The following RTN4RL1 variants were observed in gnomAD, a reference collection of about 807,000 sequenced individuals.
RTN4RL1 encodes the protein reticulon-4 receptor-like 1.
Under a neutral mutation model 25.6 loss-of-function variants are expected in RTN4RL1, and 7 were observed. That is an observed-to-expected ratio of 0.27 (90% CI 0.16 to 0.51). The LOEUF is 0.51. Ranked by LOEUF, RTN4RL1 falls within the 20% of genes least tolerant of loss-of-function variation. RTN4RL1 has a pLI of 0.97. For synonymous variants in RTN4RL1, 297 were observed against 288.2 expected (o/e 1.03, Z -0.31); for missense variants, 500 against 615.6 (o/e 0.81, Z 1.99).
rs931149343 is a variant in RTN4RL1 at position 1,994,741 on chromosome 17, G to A, written c.13+30112C>T. ...CTCCAAGCCTCAGTTTCCTTCTCTAGGAAAGGGGATAATACACGCTTGCGT... is the reference window on the plus strand; with the variant it reads ...CTCCAAGCCTCAGTTTCCTTCTCTAAGAAAGGGGATAATACACGCTTGCGT... On this transcript the variant is annotated intron_variant, in intron 1 of 1. Coordinates refer to ENST00000331238, the MANE Select transcript of RTN4RL1 (RefSeq NM_178568.4). The surrounding 1 kb of genome is among the most constrained non-coding windows in gnomAD (Gnocchi z 4.3). Among the ~76,000 whole-genome samples the A allele has an allele frequency of 5.9e-5, 9 of 152,136 alleles. No individual in the cohort carries two copies. The highest frequency in any genetic ancestry group is 8.8e-5 in the Non-Finnish European group (6 of 68,018).
At chr17:1,986,848 C>T (rs2066889574) in intron 1 of RTN4RL1, among the ~76,000 whole-genome samples, 1 of 152,146 alleles carries the variant, frequency 6.6e-6, no homozygotes, top group Admixed American at 6.5e-5. Flanking sequence ...GGCCCAGGCT[C>T]TGCCCACCAC....
chr17:2,000,346 TTTTGTTTG>T (rs960015423), intron 1 of RTN4RL1, among the ~76,000 whole-genome samples: 12 of 151,740 alleles, frequency 7.9e-5, no homozygotes, highest in Non-Finnish European at 1.3e-4. Flanking sequence ...GGGTTCCAGT[TTTTGTTTG>T]TTTGTTTGTT....
rs763627672 is a variant in RTN4RL1, at chr17:1,935,499, G to A, written c.*997C>T. 2.4e-4 allele frequency: 234 copies of A among 980,346 alleles called. 1 individual carries two copies. The highest frequency in any genetic ancestry group is 2.2e-3 in the African/African-American group (128 of 57,130). 60.7% of individuals were successfully genotyped at this position (980,346 alleles called of 1,614,324 possible). A position where few individuals can be genotyped will look rare whatever the true frequency, so the allele number is the denominator to read the frequency against. ...CTGCCTCCCCCTTCCTCACCGTCCC[G>A]CCGACACCTTGCCCCAGGCCCTTGG... is the stretch of plus-strand genomic sequence containing the variant. On this transcript the variant is annotated 3_prime_UTR_variant, in exon 2 of 2. Transcript: ENST00000331238.
chr17:1,973,167 G>A (rs965294628), intron 1 of RTN4RL1, among the ~76,000 whole-genome samples: 5 of 151,626 alleles, frequency 3.3e-5, no homozygotes, highest in African/African-American at 7.3e-5. Flanking sequence ...GTTCAAGACC[G>A]GCCTGGCCAA....
intron 1 of RTN4RL1, among the ~76,000 whole-genome samples, chr17:1,948,424 TG>T (rs1432084957): frequency 6.6e-6 from 1 of 152,234 alleles, no homozygotes; most frequent in Non-Finnish European, 1.5e-5. Context: ...TCTGAGAGCT[TG>T]CCCTTCCCAG....
intron 1 of RTN4RL1, among the ~76,000 whole-genome samples, chr17:1,992,221 G>A (rs1244889965): frequency 2.0e-5 from 3 of 151,904 alleles, no homozygotes; most frequent in Non-Finnish European, 2.9e-5. Flanking sequence ...AAAATTAGCC[G>A]GGCGTGGTGG....
At chr17:1,958,169 G>T (rs1352843648) in intron 1 of RTN4RL1, among the ~76,000 whole-genome samples, 2 of 152,204 alleles carry the variant, frequency 1.3e-5, no homozygotes, top group Admixed American at 1.3e-4. Context: ...CAGCCTGGGA[G>T]ACAAAGTGAG....
At chr17:2,013,589 A>ACCCTGGAACATAAATACCCCC (rs2067078811) in intron 1 of RTN4RL1, among the ~76,000 whole-genome samples, 1 of 139,396 alleles carries the variant, frequency 7.2e-6, no homozygotes, top group Non-Finnish European at 1.6e-5. Context: ...TAAATACCCC[A>ACCCTGGAACATAAATACCCCC]GCTCCCTCAC....
At chr17:1,988,514 A>AG (rs2066896581) in intron 1 of RTN4RL1, among the ~76,000 whole-genome samples, 1 of 141,396 alleles carries the variant, frequency 7.1e-6, no homozygotes, top group South Asian at 2.2e-4. Flanking sequence ...CTCAAAAAAA[A>AG]AAAAAAAAGA....
Position 1,937,587 on chromosome 17 carries a change from C to T in RTN4RL1, c.235G>A (p.Val79Ile), listed in dbSNP as rs770571252. ...TTGTTCGAGTAGATCCACAGGGTGA[C>T]CATGGCGGGGCTGAAGTGGCCGGGC... is the stretch of plus-strand genomic sequence containing the variant. The part of the protein sequence containing the change: ...LQPGHFSPAM[V>I]TLWIYSNNIT... The change falls in exon 2 of 2, where the codon GTC becomes ATC. Residue 79 changes from valine to isoleucine, a missense_variant. By Grantham distance (29) the Val-to-Ile change is conservative. Coordinates refer to ENST00000331238, the MANE Select transcript of RTN4RL1 (RefSeq NM_178568.4). 21 of 1,613,894 alleles carry T rather than the reference C, an allele frequency of 1.3e-5. No individual in the cohort carries two copies. The Middle Eastern group carries it at 4.9e-4, about 38-fold the overall frequency.
intron 1 of RTN4RL1, among the ~76,000 whole-genome samples, chr17:1,961,634 A>C (rs1156897156): frequency 2.0e-5 from 3 of 151,976 alleles, no homozygotes; most frequent in Non-Finnish European, 4.4e-5. Flanking sequence ...GACACAAAGA[A>C]AAGTAGGCCG....
At chr17:2,002,626 T>TCCTC (rs1272428992) in intron 1 of RTN4RL1, among the ~76,000 whole-genome samples, 2 of 150,764 alleles carry the variant, frequency 1.3e-5, no homozygotes, top group Non-Finnish European at 3.0e-5. Context: ...GTCTCTTCCC[T>TCCTC]CCTCCCTCCC....
At chr17:1,944,275 G>C (rs1167804670) in intron 1 of RTN4RL1, among the ~76,000 whole-genome samples, 1 of 152,054 alleles carries the variant, frequency 6.6e-6, no homozygotes, top group Non-Finnish European at 1.5e-5. Context: ...CTGCAAAATG[G>C]GGCAGTCATT....
At chr17:2,018,431 G>A (rs1439465418) in intron 1 of RTN4RL1, among the ~76,000 whole-genome samples, 1 of 152,188 alleles carries the variant, frequency 6.6e-6, no homozygotes, top group Non-Finnish European at 1.5e-5. Flanking sequence ...ATATGAGACA[G>A]CAGCTCAGGC....
chr17:1,959,605 C>A (rs1267191203), intron 1 of RTN4RL1, among the ~76,000 whole-genome samples: 1 of 152,168 alleles, frequency 6.6e-6, no homozygotes, highest in Non-Finnish European at 1.5e-5. Context: ...CACTGTGTCA[C>A]CCAGGCTGGA....
intron 1 of RTN4RL1, among the ~76,000 whole-genome samples, chr17:2,016,935 G>A (rs945851474): frequency 6.6e-6 from 1 of 152,208 alleles, no homozygotes; most frequent in African/African-American, 2.4e-5. Flanking sequence ...CCTTCTAAAA[G>A]GAAAAGCAGC....
intron 1 of RTN4RL1, among the ~76,000 whole-genome samples, chr17:2,002,552 A>G (rs1377784354): frequency 1.3e-5 from 2 of 149,950 alleles, no homozygotes; most frequent in Non-Finnish European, 2.9e-5. Context: ...TCGGCCTCCC[A>G]AAGTGCTGGG....
chr17:1,963,255 T>TGTCTGTGA (rs1310009626), intron 1 of RTN4RL1, among the ~76,000 whole-genome samples: 3 of 152,206 alleles, frequency 2.0e-5, no homozygotes, highest in African/African-American at 7.2e-5. Context: ...GGCGTAGAGC[T>TGTCTGTGA]GTCTGTGAGC....
At chr17:1,952,659 C>A (rs975393125) in intron 1 of RTN4RL1, among the ~76,000 whole-genome samples, 7 of 151,630 alleles carry the variant, frequency 4.6e-5, no homozygotes, top group African/African-American at 1.7e-4. Context: ...CCCCCATTTT[C>A]ATTCTGCACA....
Sources: gnomAD v4.1 joint callset for allele counts (sites outside exome capture counted in the v4.1 genomes callset) on GRCh38, gnomAD v4.1.1 for gene constraint, Gnocchi (gnomAD v3.1) non-coding constraint, MANE v1.5 for transcripts, NCBI Gene and HGNC (gene_info 2026-07-23, HGNC 2026-07-21) for gene names.